Variants in MEGF11 observed in about 807,000 individuals in gnomAD.
MEGF11 encodes multiple EGF like domains 11.
In MEGF11, 126 loss-of-function variants were observed where a neutral mutation model predicts 146.6. The ratio of observed to expected loss-of-function variants is 0.86; its 90% CI spans 0.74 to 1.00. The LOEUF is 1.00. Ranked by LOEUF, MEGF11 falls within the 50% of genes least tolerant of loss-of-function variation. MEGF11 has a pLI of 0.00. For missense variants in MEGF11, 1,509 were observed against 1,521.2 expected (o/e 0.99, Z 0.13); for synonymous variants, 532 against 583.4 (o/e 0.91, Z 1.27).
At chr15:66,079,690 T>C (rs941437041) in intron 5 of MEGF11, among the ~76,000 whole-genome samples, 3 of 152,114 alleles carry the variant, frequency 2.0e-5, no homozygotes, top group Admixed American at 1.3e-4. Context: ...AGAACACACA[T>C]TCAGGTGCGT....
intron 5 of MEGF11, among the ~76,000 whole-genome samples, chr15:66,071,594 C>T (rs756220436): frequency 3.9e-5 from 6 of 152,188 alleles, no homozygotes; most frequent in African/African-American, 1.2e-4. Context: ...GCAGCTGCAT[C>T]GGGGATCTGT....
chr15:66,023,140 C>CAAAAAAAAAAAAAAAA (rs375962533), intron 5 of MEGF11, among the ~76,000 whole-genome samples: 29 of 123,690 alleles, frequency 2.3e-4, no homozygotes, highest in Non-Finnish European at 4.2e-4. Flanking sequence ...GACTCCATCT[C>CAAAAAAAAAAAAAAAA]AAAAAAAAAA....
intron 5 of MEGF11, 149 bp downstream of exon 5, chr15:66,094,253 A>G (rs1454999805): frequency 1.7e-6 from 1 of 599,874 alleles, no homozygotes; most frequent in Admixed American, 3.0e-5. Flanking sequence ...AACTGTAGGT[A>G]TACCTCCTCC....
intron 1 of MEGF11, among the ~76,000 whole-genome samples, chr15:66,200,179 G>C (rs1357767220): frequency 6.6e-6 from 1 of 152,236 alleles, no homozygotes; most frequent in African/African-American, 2.4e-5. Flanking sequence ...CAATTCTCCA[G>C]TGAGGCTCCT....
Position 65,915,511 on chromosome 15 carries a change from C to A in MEGF11, c.2432G>T (p.Cys811Phe), listed in dbSNP as rs755106286. ...NSTCDHVTGTCYCSPGFKGIR... is the reference protein window; with the variant it reads ...NSTCDHVTGTFYCSPGFKGIR... ...TCCTTTGAAGCCAGGGCTGCAGTAA[C>A]AGGTGCCGGTGACATGGTCACAGGT... The change falls in exon 19 of 26, where the codon TGT (cysteine) becomes TTT (phenylalanine). Residue 811 changes from cysteine to phenylalanine, a missense_variant. Cys to Phe is a radical substitution (Grantham distance 205). Coordinates refer to ENST00000395614, the MANE Select transcript of MEGF11 (RefSeq NM_001385028.1). 3.7e-6 allele frequency: 6 copies of A among 1,613,854 alleles called. No individual in the cohort carries two copies. The Admixed American group carries it at 1.0e-4, about 27-fold the overall frequency.
chr15:66,235,008 T>C (rs1347676569), intron 1 of MEGF11, among the ~76,000 whole-genome samples: 2 of 152,150 alleles, frequency 1.3e-5, no homozygotes, highest in African/African-American at 4.8e-5. Flanking sequence ...CTCTTTCCTA[T>C]GCTTCCACAC....
At chr15:66,140,414 G>A (rs1248974063) in intron 1 of MEGF11, among the ~76,000 whole-genome samples, 4 of 142,982 alleles carry the variant, frequency 2.8e-5, no homozygotes, top group Non-Finnish European at 3.2e-5. Context: ...GGCAGGGGCA[G>A]GTTTCCCGCC....
chr15:66,094,399 C>A lies in MEGF11; in HGVS notation c.394+3G>T. The stretch of plus-strand genomic sequence containing the variant: ...CCTCCTGACCCCCAAACCCCAGACT[C>A]ACCGCTGGAGCAGTCGGGCCCTCCC... On this transcript the variant is annotated splice_donor_region_variant and intron_variant, in intron 5 of 25. Transcript: ENST00000395614. The A allele has an allele frequency of 6.4e-7, 1 of 1,554,698 alleles. No homozygotes were observed. Among genetic ancestry groups the A allele is most frequent in the Non-Finnish European group, 8.7e-7 (1 of 1,148,498 alleles).
intron 7 of MEGF11, among the ~76,000 whole-genome samples, chr15:65,977,903 C>CA (rs1413254660): frequency 6.6e-6 from 1 of 152,194 alleles, no homozygotes; most frequent in Non-Finnish European, 1.5e-5. Flanking sequence ...TGAAACTACT[C>CA]AGACTTGGTT....
chr15:66,037,984 A>T (rs1379350284), intron 5 of MEGF11, among the ~76,000 whole-genome samples: 6 of 152,232 alleles, frequency 3.9e-5, no homozygotes, highest in African/African-American at 1.4e-4. Context: ...ACTGCTTGAA[A>T]CACTCAAAAA....
chr15:66,110,098 A>AG (rs1211620192), intron 4 of MEGF11, among the ~76,000 whole-genome samples: 2 of 152,134 alleles, frequency 1.3e-5, no homozygotes, highest in African/African-American at 4.8e-5. Context: ...GCTCCCAAAC[A>AG]GGCGGAGTTC....
chr15:65,970,396 G>A (rs1220583979), intron 8 of MEGF11, among the ~76,000 whole-genome samples, 157 bp downstream of exon 8: 3 of 152,234 alleles, frequency 2.0e-5, no homozygotes, highest in African/African-American at 7.2e-5. Context: ...GGTGAGGAGG[G>A]ATCAGGTGCC....
chr15:66,143,875 C>A (rs1262788869), intron 1 of MEGF11, among the ~76,000 whole-genome samples: 1 of 152,126 alleles, frequency 6.6e-6, no homozygotes, highest in Admixed American at 6.5e-5. Context: ...ATGAGGACCC[C>A]GAGGTGGGAC....
At chr15:66,137,427 ATAAAC>A (rs1344934838) in intron 1 of MEGF11, among the ~76,000 whole-genome samples, 3 of 152,258 alleles carry the variant, frequency 2.0e-5, no homozygotes, top group Non-Finnish European at 4.4e-5. Flanking sequence ...TCACATTTAT[ATAAAC>A]TGTGTGTGCA....
Position 65,976,711 on chromosome 15 carries a change from G to C in MEGF11, c.762+4067C>G, listed in dbSNP as rs565743086. Among the ~76,000 whole-genome samples the C allele has an allele frequency of 2.6e-5, 4 of 152,354 alleles. No homozygotes were observed. In the East Asian group the frequency reaches 5.8e-4, roughly 22 times the overall value. ...GATTCATGTACTTGCCCTGTGGTCAGTTAAGTGTGTATCTCCAATTGTAGT... is the reference window on the plus strand; with the variant it reads ...GATTCATGTACTTGCCCTGTGGTCACTTAAGTGTGTATCTCCAATTGTAGT... On this transcript the variant is annotated intron_variant, in intron 7 of 25. Transcript: ENST00000395614.
intron 1 of MEGF11, among the ~76,000 whole-genome samples, chr15:66,236,886 G>A (rs564273609): frequency 2.2e-4 from 34 of 152,206 alleles, no homozygotes; most frequent in Non-Finnish European, 3.7e-4. Flanking sequence ...GTAACACCCC[G>A]GGAAGAACAA....
intron 10 of MEGF11, among the ~76,000 whole-genome samples, chr15:65,954,441 G>T (rs1217315835): frequency 6.6e-6 from 1 of 152,168 alleles, no homozygotes; most frequent in Non-Finnish European, 1.5e-5. Context: ...ATGCATACAG[G>T]AGTGAGTCAT....
At chr15:66,076,023 G>A (rs1389749993) in intron 5 of MEGF11, among the ~76,000 whole-genome samples, 1 of 152,182 alleles carries the variant, frequency 6.6e-6, no homozygotes, top group Non-Finnish European at 1.5e-5. Context: ...CTGGCACATG[G>A]AAAGGGCTTA....
intron 4 of MEGF11, among the ~76,000 whole-genome samples, chr15:66,117,576 C>A (rs1352356543): frequency 2.0e-5 from 3 of 152,174 alleles, no homozygotes; most frequent in Non-Finnish European, 2.9e-5. Flanking sequence ...GTCCAAACTC[C>A]CTTCATAATT....
Sources: gnomAD v4.1 joint callset for allele counts (sites outside exome capture counted in the v4.1 genomes callset) on GRCh38, gnomAD v4.1.1 for gene constraint, MANE v1.5 for transcripts, NCBI Gene and HGNC (gene_info 2026-07-23, HGNC 2026-07-21) for gene names.